The following MDC1 variants were observed in gnomAD, a reference collection of about 807,000 sequenced individuals.
MDC1 encodes the protein mediator of DNA damage checkpoint protein 1.
In MDC1, 81 loss-of-function variants were observed where a neutral mutation model predicts 142.5. The ratio of observed to expected loss-of-function variants is 0.57; its 90% CI spans 0.47 to 0.68. The LOEUF (loss-of-function observed/expected upper bound fraction) is 0.68. Ranked by LOEUF, MDC1 falls within the 30% of genes least tolerant of loss-of-function variation. The pLI, the probability that MDC1 is intolerant of heterozygous loss-of-function variation, is 0.00. For synonymous variants in MDC1, 797 were observed against 968.4 expected (o/e 0.82, Z 3.29); for missense variants, 2,119 against 2,547.9 (o/e 0.83, Z 3.62).
At chr6:30,711,634 G>A (rs763097445) in intron 6 of MDC1, 33 bp downstream of exon 6, 184 of 1,611,122 alleles carry the variant, frequency 1.1e-4, no homozygotes, top group Middle Eastern at 6.6e-4. Flanking sequence ...AGCTCCCACT[G>A]GTACAGGATT....
rs1425829638 is a variant in MDC1, at chr6:30,715,546, C to T, written c.-3-368G>A. Among the ~76,000 whole-genome samples the T allele has an allele frequency of 6.6e-6, 1 of 152,198 alleles. No individual in the cohort carries two copies. Reference sequence around the variant, plus strand: ...AAGAGATGGGGTTTTGCCATATTGGCCAGGGTGGACTCGAACTCTTGACCT... The same window carrying T: ...AAGAGATGGGGTTTTGCCATATTGGTCAGGGTGGACTCGAACTCTTGACCT... On this transcript the variant is annotated intron_variant, in intron 1 of 14. Transcript: ENST00000376406. The surrounding 1 kb of genome is among the most constrained non-coding windows in gnomAD (Gnocchi z 4.1).
chr6:30,711,547 C>T, intron 6 of MDC1, 43 bp from the exon 7 acceptor site: 2 of 1,599,320 alleles, frequency 1.3e-6, no homozygotes, highest in Non-Finnish European at 1.7e-6. Context: ...CTCCATACTA[C>T]TGTAGGGTTC....
chr6:30,705,005 C>G lies in MDC1; in HGVS notation c.4178G>C (p.Arg1393Thr). 6.2e-7 allele frequency: 1 copy of G among 1,608,800 alleles called. No homozygotes were observed. Among genetic ancestry groups the G allele is most frequent in the Non-Finnish European group, 8.5e-7 (1 of 1,178,030 alleles). ...VTPEPTSRAT[R>T]GRKNRSSGKT... is the part of the protein sequence containing the mutation. ...GCCAGAGGATCTATTTTTTCTTCCC[C>G]TAGTAGCCCGAGATGTGGGCTCAGG... The change falls in exon 10 of 15, where the codon AGG becomes ACG. Residue 1393 changes from arginine to threonine, a missense_variant. Arg to Thr is a moderately conservative substitution (Grantham distance 71). Coordinates refer to ENST00000376406, the MANE Select transcript of MDC1 (RefSeq NM_014641.3).
chr6:30,715,101 C>A lies in MDC1; in HGVS notation c.75G>T (p.Arg25Ser), dbSNP rs774890584. 1 of 1,614,212 alleles carries A rather than the reference C, an allele frequency of 6.2e-7. No homozygotes were observed. The highest frequency in any genetic ancestry group is 1.1e-5 in the South Asian group (1 of 91,076). The change falls in exon 2 of 15, where the codon AGG becomes AGT. Residue 25 changes from arginine to serine, a missense_variant. Transcript: ENST00000376406. The surrounding 1 kb of genome is among the most constrained non-coding windows in gnomAD (Gnocchi z 4.1). ...EETEQSSESLRCNVEPVGRLH... is the reference protein window; with the variant it reads ...EETEQSSESLSCNVEPVGRLH... Reference sequence around the variant, plus strand: ...GCCGCCCTACTGGCTCCACGTTACACCTCAAGGATTCACTGGATTGCTCTG... The same window carrying A: ...GCCGCCCTACTGGCTCCACGTTACAACTCAAGGATTCACTGGATTGCTCTG...
In MDC1 at chr6:30,712,387, C is replaced by G. The variant is rs776777331; in HGVS notation, c.1555G>C (p.Val519Leu). 3.1e-6 allele frequency: 5 copies of G among 1,613,136 alleles called. No individual in the cohort carries two copies. Among genetic ancestry groups the G allele is most frequent in the Non-Finnish European group, 4.2e-6 (5 of 1,180,050 alleles). Residue 519 changes from valine to leucine, a missense_variant, in exon 5 of 15, where the codon GTG (valine) becomes CTG (leucine). Coordinates refer to ENST00000376406, the MANE Select transcript of MDC1 (RefSeq NM_014641.3). The surrounding 1 kb of genome is among the most constrained non-coding windows in gnomAD (Gnocchi z 4.7). ...TTCTCCACTTGTGTGTTGATGTCCA[C>G]TGTGGTGGAGGCTTGGCTTCTCTCC... ...HLERSQASTT[V>L]DINTQVEKEV...
rs754796074 is a variant in MDC1, at chr6:30,707,505, C to G, written c.3014-51G>C. The G allele has an allele frequency of 2.3e-5, 37 of 1,612,880 alleles. No individual in the cohort carries two copies. The African/African-American group carries it at 4.8e-4, about 21-fold the overall frequency. ...GGCTGAGTTCCAAGCAGCTGGTTGC[C>G]CAGGGGTTGATTATCACGAGGCCTG... is the stretch of plus-strand genomic sequence containing the variant. On this transcript the variant is annotated intron_variant, in intron 8 of 14. Transcript: ENST00000376406.
At position 30,715,166 on chromosome 6, in the gene MDC1, T is replaced by G. The variant is rs199522835; in HGVS notation, c.10A>C (p.Thr4Pro). 6.2e-7 allele frequency: 1 copy of G among 1,614,150 alleles called. No homozygotes were observed. Residue 4 changes from threonine to proline, a missense_variant, in exon 2 of 15, where the codon ACC becomes CCC. Thr to Pro is a conservative substitution (Grantham distance 38, BLOSUM62 -1). Transcript: ENST00000376406. The surrounding 1 kb of genome is among the most constrained non-coding windows in gnomAD (Gnocchi z 4.1). MED[T>P]QAIDWDVEEE... ...TCAACATCCCAGTCAATAGCCTGGG[T>G]GTCCTCCATGATCTGGGAAGGATAC...
rs1287050413 is a variant in MDC1 at position 30,715,731 on chromosome 6, TG to T, written c.-3-554del. On this transcript the variant is annotated intron_variant, in intron 1 of 14. Coordinates refer to ENST00000376406, the MANE Select transcript of MDC1 (RefSeq NM_014641.3). The surrounding 1 kb of genome is among the most constrained non-coding windows in gnomAD (Gnocchi z 4.1). ...AACTGCAAAAAATGATAATAAAAGA[TG>T]ACATATATAGAAGCTTCCTATGTGT... is the stretch of plus-strand genomic sequence containing the variant. Among the ~76,000 whole-genome samples the T allele has an allele frequency of 6.6e-6, 1 of 152,206 alleles. No homozygotes were observed. Among genetic ancestry groups the T allele is most frequent in the Non-Finnish European group, 1.5e-5 (1 of 68,034 alleles).
chr6:30,706,239 C>A, intron 9 of MDC1, 141 bp from the exon 10 acceptor site: 5 of 709,332 alleles, frequency 7.0e-6, no homozygotes, highest in Admixed American at 3.2e-5. Context: ...ATAATCCCAG[C>A]ACTTTGGGAG....
At position 30,703,819 on chromosome 6, in the gene MDC1, G is replaced by C; in HGVS notation, c.5364C>G (p.Ile1788Met). Residue 1788 changes from isoleucine (I) to methionine (M), a missense_variant, in exon 10 of 15, where the codon ATC becomes ATG. By Grantham distance (10) the Ile-to-Met change is conservative. Transcript: ENST00000376406. The surrounding 1 kb of genome is among the most constrained non-coding windows in gnomAD (Gnocchi z 4.4). The part of the protein sequence containing the change: ...LLETPIHASQ[I>M]QKVEPAGRSR... ...ATCTACCTGCTGGTTCCACCTTTTG[G>C]ATCTGGGAGGCATGAATTGGTGTCT... The C allele has an allele frequency of 6.2e-7, 1 of 1,609,330 alleles. No homozygotes were observed. The highest frequency in any genetic ancestry group is 1.1e-5 in the South Asian group (1 of 90,238).
Position 30,712,159 on chromosome 6 carries a change from C to A in MDC1, c.1783G>T (p.Val595Leu), listed in dbSNP as rs767791610. The change falls in exon 5 of 15, where the codon GTA becomes TTA. Residue 595 changes from valine (V) to leucine (L), a missense_variant. By Grantham distance (32) the Val-to-Leu change is conservative (BLOSUM62 1). Transcript: ENST00000376406. The surrounding 1 kb of genome is among the most constrained non-coding windows in gnomAD (Gnocchi z 4.7). ...TCTGCTGGAAGCTGGCTCTTTCTTA[C>A]ATCTGCAACTACTGAGGCTGTTAGG... ...TSLTASVVAD[V>L]RKSQLPAEGD... 15 of 1,612,570 alleles carry A rather than the reference C, an allele frequency of 9.3e-6. No homozygotes were observed. The highest frequency in any genetic ancestry group is 4.0e-5 in the African/African-American group (3 of 74,950).
Position 30,708,357 on chromosome 6 carries a change from C to T in MDC1, c.2222G>A (p.Gly741Asp). 6.2e-7 allele frequency: 1 copy of T among 1,604,112 alleles called. No homozygotes were observed. The highest frequency in any genetic ancestry group is 1.1e-5 in the South Asian group (1 of 90,898). ...GPSHCSFQTT[G>D]TLDEPWEVLA... Reference sequence around the variant, plus strand: ...GACCTCCCATGGTTCATCTAGGGTACCTGGAAGGGGAGGAAGGAAGAGAGA... The same window carrying T: ...GACCTCCCATGGTTCATCTAGGGTATCTGGAAGGGGAGGAAGGAAGAGAGA... Residue 741 changes from glycine (G) to aspartate (D), a missense_variant and splice_region_variant, in exon 8 of 15, where the codon GGT (glycine) becomes GAT (aspartate). By Grantham distance (94) the Gly-to-Asp change is moderately conservative (BLOSUM62 -1). Coordinates refer to ENST00000376406, the MANE Select transcript of MDC1 (RefSeq NM_014641.3).
intron 2 of MDC1, among the ~76,000 whole-genome samples, chr6:30,714,463 G>A (rs892825928): frequency 6.6e-6 from 1 of 151,370 alleles, no homozygotes; most frequent in Admixed American, 6.6e-5. Context: ...ACACTGTTGT[G>A]CAATCATCAC....
chr6:30,708,418 G>A (rs1253137185), intron 7 of MDC1, 61 bp from the exon 8 acceptor site: 3 of 1,318,494 alleles, frequency 2.3e-6, no homozygotes, highest in Non-Finnish European at 3.2e-6. Context: ...GAGAGGAAGA[G>A]GGAAAGGGAA....
intron 2 of MDC1, among the ~76,000 whole-genome samples, chr6:30,714,645 G>A (rs1775407480): frequency 6.6e-6 from 1 of 151,730 alleles, no homozygotes; most frequent in African/African-American, 2.4e-5. Flanking sequence ...CAAGTAGGTG[G>A]GACTGCAGAT....
rs371637776 is a variant in MDC1, at chr6:30,700,839, G to A, written c.6103-207C>T. Among the ~76,000 whole-genome samples, 25 of 150,940 alleles carry A rather than the reference G, an allele frequency of 1.7e-4. 3 individuals carry two copies. The highest frequency in any genetic ancestry group is 1.2e-3 in the East Asian group (6 of 5,164). On this transcript the variant is annotated intron_variant, in intron 14 of 14. Coordinates refer to ENST00000376406, the MANE Select transcript of MDC1 (RefSeq NM_014641.3). ...ATTACACAGCACTTTGGGAGGCTGA[G>A]GCGGGTGGATCACGAGGTCAGGAGA... is the stretch of plus-strand genomic sequence containing the variant.
rs776774017 is a variant in MDC1 at position 30,708,345 on chromosome 6, T to A, written c.2234A>T (p.Glu745Val). 1.3e-5 allele frequency: 21 copies of A among 1,609,432 alleles called. No individual in the cohort carries two copies. The highest frequency in any genetic ancestry group is 1.5e-5 in the Non-Finnish European group (18 of 1,179,124). ...CTGTGTAGCCAGGACCTCCCATGGT[T>A]CATCTAGGGTACCTGGAAGGGGAGG... is the stretch of plus-strand genomic sequence containing the variant. ...CSFQTTGTLDEPWEVLATQPF... is the reference protein window; with the variant it reads ...CSFQTTGTLDVPWEVLATQPF... Residue 745 changes from glutamate to valine, a missense_variant, in exon 8 of 15, where the codon GAA becomes GTA. Glu to Val is a moderately radical substitution (Grantham distance 121, BLOSUM62 -2). Coordinates refer to ENST00000376406, the MANE Select transcript of MDC1 (RefSeq NM_014641.3).
rs1357301400 is a variant in MDC1 at position 30,707,548 on chromosome 6, C to A, written c.3013+18G>T. 1 of 1,612,624 alleles carries A rather than the reference C, an allele frequency of 6.2e-7. No individual in the cohort carries two copies. Among genetic ancestry groups the A allele is most frequent in the Non-Finnish European group, 8.5e-7 (1 of 1,179,652 alleles). On this transcript the variant is annotated intron_variant, in intron 8 of 14. Transcript: ENST00000376406. Reference sequence around the variant, plus strand: ...GAGGCCTGTGTATCACCTTGGGTTCCCCTCTGCCTTCACTTACCTTTCTGA... The same window carrying A: ...GAGGCCTGTGTATCACCTTGGGTTCACCTCTGCCTTCACTTACCTTTCTGA...
At chr6:30,706,463 A>G (rs1275260353) in intron 9 of MDC1, among the ~76,000 whole-genome samples, 1 of 151,838 alleles carries the variant, frequency 6.6e-6, no homozygotes, top group Non-Finnish European at 1.5e-5. Flanking sequence ...CTACTAAAAA[A>G]TACAAAAAAT....
Sources: gnomAD v4.1 joint callset for allele counts (sites outside exome capture counted in the v4.1 genomes callset) on GRCh38, gnomAD v4.1.1 for gene constraint, Gnocchi (gnomAD v3.1) non-coding constraint, MANE v1.5 for transcripts, NCBI Gene and HGNC (gene_info 2026-07-23, HGNC 2026-07-21) for gene names.